LTBP1: variants seen among roughly 807,000 people sequenced by gnomAD.
The protein encoded by LTBP1 is latent-transforming growth factor beta-binding protein 1.
In LTBP1, 129 loss-of-function variants were observed where a neutral mutation model predicts 207.6. That is an observed-to-expected ratio of 0.62 (90% CI 0.54 to 0.72). The LOEUF is 0.72. Among genes scored for constraint, LTBP1 ranks in the 30% least tolerant of loss-of-function variants. LTBP1 has a pLI of 0.00. For missense variants in LTBP1, 2,281 were observed against 2,217.2 expected (o/e 1.03, Z -0.58); for synonymous variants, 963 against 833.7 (o/e 1.16, Z -2.67).
chr2:33,061,553 T>A (rs2149633314), intron 3 of LTBP1: 1 of 152,306 alleles, frequency 6.6e-6, no homozygotes, highest in South Asian at 2.1e-4. Flanking sequence ...TCATGTGAGA[T>A]TATACAATGT....
At chr2:33,027,324 C>T (rs2075467961) in intron 3 of LTBP1, among the ~76,000 whole-genome samples, 1 of 152,192 alleles carries the variant, frequency 6.6e-6, no homozygotes, top group Non-Finnish European at 1.5e-5. Context: ...ATTAACATAT[C>T]TCTTATCCCA....
At chr2:33,307,950 T>C (rs1441571749) in intron 22 of LTBP1, among the ~76,000 whole-genome samples, 1 of 152,178 alleles carries the variant, frequency 6.6e-6, no homozygotes, top group African/African-American at 2.4e-5. Context: ...GGTATCACCG[T>C]ACTTGAACCA....
chr2:33,143,717 A>AT lies in LTBP1; in HGVS notation c.1201+8758dup, dbSNP rs766042921. Reference sequence around the variant, plus strand: ...TGCTCCCGCTCTTGCATCCATGTAAATACTGACAGTCTTTTACGGAAGAAC... The same window carrying AT: ...TGCTCCCGCTCTTGCATCCATGTAAATTACTGACAGTCTTTTACGGAAGAAC... On this transcript the variant is annotated intron_variant, in intron 5 of 33. Coordinates refer to ENST00000404816, the MANE Select transcript of LTBP1 (RefSeq NM_206943.4). Among the ~76,000 whole-genome samples the AT allele has an allele frequency of 1.6e-3, 246 of 151,934 alleles. 1 individual carries two copies. The highest frequency in any genetic ancestry group is 2.7e-3 in the Non-Finnish European group (186 of 68,008).
At chr2:33,230,237 T>TA (rs770586239) in intron 9 of LTBP1, among the ~76,000 whole-genome samples, 1 of 152,252 alleles carries the variant, frequency 6.6e-6, no homozygotes, top group Non-Finnish European at 1.5e-5. Context: ...TAACTAGAAT[T>TA]ACATTATTTC....
At chr2:33,133,837 A>G (rs2081968040) in intron 4 of LTBP1, among the ~76,000 whole-genome samples, 1 of 152,224 alleles carries the variant, frequency 6.6e-6, no homozygotes, top group Non-Finnish European at 1.5e-5. Context: ...GAAAAACTGA[A>G]CTGAACTGGA....
At chr2:33,016,528 T>G (rs1387186561) in intron 2 of LTBP1, among the ~76,000 whole-genome samples, 1 of 151,970 alleles carries the variant, frequency 6.6e-6, no homozygotes, top group East Asian at 1.9e-4. Context: ...CTGTTTGGAG[T>G]TAGGCCTGGG....
intron 7 of LTBP1, among the ~76,000 whole-genome samples, chr2:33,192,453 A>G (rs1404337922): frequency 6.6e-6 from 1 of 152,196 alleles, no homozygotes. Context: ...GAAACAAGTT[A>G]AAAACATCAC....
At chr2:33,147,772 C>T (rs922659821) in intron 5 of LTBP1, among the ~76,000 whole-genome samples, 6 of 152,188 alleles carry the variant, frequency 3.9e-5, no homozygotes, top group African/African-American at 1.4e-4. Flanking sequence ...CTTCTTAATT[C>T]ATCCTACCAT....
chr2:33,103,377 C>T lies in LTBP1; in HGVS notation c.864-7205C>T, dbSNP rs144735934. Among the ~76,000 whole-genome samples, 578 of 148,894 alleles carry T rather than the reference C, an allele frequency of 3.9e-3. 4 individuals carry two copies. Among genetic ancestry groups the T allele is most frequent in the Middle Eastern group, 0.015 (4 of 262 alleles). On this transcript the variant is annotated intron_variant, in intron 3 of 33. Coordinates refer to ENST00000404816, the MANE Select transcript of LTBP1 (RefSeq NM_206943.4). ...CTGTATGCCGTATACATTGTCTGTA[C>T]GCATAGTCTGTATGCTGTATGCATT...
chr2:33,184,521 T>C (rs772366163), intron 5 of LTBP1, among the ~76,000 whole-genome samples: 36 of 152,224 alleles, frequency 2.4e-4, no homozygotes, highest in Admixed American at 7.9e-4. Flanking sequence ...CAAAAACTTA[T>C]CCTAAATGAT....
intron 23 of LTBP1, among the ~76,000 whole-genome samples, chr2:33,314,203 C>A (rs1006554067): frequency 6.6e-6 from 1 of 152,146 alleles, no homozygotes; most frequent in East Asian, 1.9e-4. Flanking sequence ...CCTGAGCCCT[C>A]ATTCGCTGAT....
intron 5 of LTBP1, among the ~76,000 whole-genome samples, chr2:33,150,497 A>G (rs1452496549): frequency 6.6e-6 from 1 of 151,888 alleles, no homozygotes; most frequent in Non-Finnish European, 1.5e-5. Context: ...TTCAGCCATC[A>G]TCACTATCCA....
chr2:32,994,516 G>T (rs1286276693), intron 2 of LTBP1, among the ~76,000 whole-genome samples: 6 of 151,842 alleles, frequency 4.0e-5, no homozygotes, highest in African/African-American at 1.2e-4. Context: ...GCCCAGGCTG[G>T]AGTGCAGTGG....
rs778944543 is a variant in LTBP1 at position 33,134,708 on chromosome 2, C to T, written c.1034-85C>T. 8.1e-6 allele frequency: 13 copies of T among 1,604,062 alleles called. No individual in the cohort carries two copies. In the Admixed American group the frequency reaches 1.2e-4, roughly 15 times the overall value. The stretch of plus-strand genomic sequence containing the variant: ...TCTTGCTCCTTTCTTTTCTTTTTTT[C>T]TGTTTTTTTAAACCTTCCAAGGCAA... On this transcript the variant is annotated intron_variant, in intron 4 of 33. Coordinates refer to ENST00000404816, the MANE Select transcript of LTBP1 (RefSeq NM_206943.4). This position sits in a 1 kb window ranked among gnomAD's most constrained non-coding sequence, Gnocchi z 4.4.
At chr2:33,181,137 T>C (rs569233145) in intron 5 of LTBP1, among the ~76,000 whole-genome samples, 1 of 152,318 alleles carries the variant, frequency 6.6e-6, no homozygotes, top group East Asian at 1.9e-4. Context: ...GCCAGGACCC[T>C]GCTGCAGGAA....
intron 25 of LTBP1, among the ~76,000 whole-genome samples, chr2:33,344,314 T>C (rs2094672093): frequency 6.6e-6 from 1 of 152,238 alleles, no homozygotes; most frequent in Admixed American, 6.5e-5. Flanking sequence ...TTTGGCCACC[T>C]TTCCACCAAA....
intron 20 of LTBP1, among the ~76,000 whole-genome samples, chr2:33,296,648 T>G (rs1280685680): frequency 6.6e-6 from 1 of 152,186 alleles, no homozygotes; most frequent in Non-Finnish European, 1.5e-5. Flanking sequence ...TGGGAAAGAT[T>G]GGTTGGGGAG....
chr2:33,222,910 A>C (rs139509586), intron 9 of LTBP1, among the ~76,000 whole-genome samples: 80 of 152,304 alleles, frequency 5.3e-4, no homozygotes, highest in African/African-American at 1.8e-3. Context: ...ATTTCCCTTT[A>C]CATGTCTAGG....
At chr2:33,087,084 C>CTGTTTTTTT (rs2078803846) in intron 3 of LTBP1, among the ~76,000 whole-genome samples, 1 of 89,026 alleles carries the variant, frequency 1.1e-5, no homozygotes, top group Non-Finnish European at 2.1e-5. Flanking sequence ...CTCCTTTATG[C>CTGTTTTTTT]TTTTTTTTTT....
Sources: allele counts gnomAD v4.1 joint callset (sites outside exome capture counted in the v4.1 genomes callset), GRCh38; gene constraint gnomAD v4.1.1; non-coding constraint Gnocchi (gnomAD v3.1); transcripts MANE v1.5; gene names NCBI Gene and HGNC (gene_info 2026-07-23, HGNC 2026-07-21).